Variants in PRKCZ observed in about 807,000 individuals in gnomAD.
PRKCZ encodes the protein protein kinase C zeta type.
Under a neutral mutation model 79.5 loss-of-function variants are expected in PRKCZ, and 33 were observed. The ratio of observed to expected loss-of-function variants is 0.41; its 90% CI spans 0.31 to 0.55. PRKCZ has a LOEUF of 0.55. PRKCZ is among the 20% of genes least tolerant of loss of function. The probability of loss-of-function intolerance (pLI) is 0.19; values close to 1 mark genes in which losing one functional copy is unlikely to be tolerated. For missense variants in PRKCZ, 578 were observed against 813.5 expected (o/e 0.71, Z 3.52); for synonymous variants, 342 against 320.9 (o/e 1.07, Z -0.70).
intron 4 of PRKCZ, among the ~76,000 whole-genome samples, chr1:2,124,800 G>T (rs1673548120): frequency 6.6e-6 from 1 of 152,020 alleles, no homozygotes; most frequent in Non-Finnish European, 1.5e-5. Flanking sequence ...CATGTGCAGG[G>T]CTTGGGTGGC....
At chr1:2,150,300 C>T (rs531984892) in intron 8 of PRKCZ, among the ~76,000 whole-genome samples, 2 of 152,210 alleles carry the variant, frequency 1.3e-5, no homozygotes, top group Admixed American at 1.3e-4. Context: ...CTCGGAGCGC[C>T]TTTCTCCTGG....
intron 4 of PRKCZ, among the ~76,000 whole-genome samples, chr1:2,113,932 G>A (rs984064963): frequency 7.7e-4 from 117 of 152,040 alleles, no homozygotes; most frequent in African/African-American, 2.7e-3. Flanking sequence ...AGAGGGCGGG[G>A]GCCCAGCCCA....
At chr1:2,090,060 C>T (rs963204604) in intron 4 of PRKCZ, among the ~76,000 whole-genome samples, 6 of 152,170 alleles carry the variant, frequency 3.9e-5, no homozygotes, top group Admixed American at 2.6e-4. Flanking sequence ...CCTCCCCGTG[C>T]GGCCGTGTCC....
intron 4 of PRKCZ, among the ~76,000 whole-genome samples, chr1:2,099,963 G>A (rs967792129): frequency 1.3e-5 from 2 of 152,192 alleles, no homozygotes; most frequent in Admixed American, 6.5e-5. Context: ...GATGAGCTGC[G>A]TCTGTTAGGG....
intron 4 of PRKCZ, among the ~76,000 whole-genome samples, chr1:2,078,233 G>C (rs1476415804): frequency 6.6e-6 from 1 of 152,190 alleles, no homozygotes; most frequent in Non-Finnish European, 1.5e-5. Flanking sequence ...CTTAATGTCC[G>C]GTTAAGACCC....
In PRKCZ at chr1:2,121,387, C is replaced by G. The variant is rs191957222; in HGVS notation, c.335-13875C>G. Reference sequence around the variant, plus strand: ...TCCCCAGAATCCATATGTTGAAGCCCTAACCCTCCAGTGTGATGGTGTTTG... The same window carrying G: ...TCCCCAGAATCCATATGTTGAAGCCGTAACCCTCCAGTGTGATGGTGTTTG... On this transcript the variant is annotated intron_variant, in intron 4 of 17. Transcript: ENST00000378567. Among the ~76,000 whole-genome samples, 115 of 147,522 alleles carry G rather than the reference C, an allele frequency of 7.8e-4. 1 individual carries two copies. Among genetic ancestry groups the G allele is most frequent in the South Asian group, 3.6e-3 (17 of 4,780 alleles).
chr1:2,050,106 A>C (rs371475797), upstream of PRKCZ: 10 of 151,520 alleles, frequency 6.6e-5, no homozygotes, highest in African/African-American at 2.4e-4. Flanking sequence ...AAGGCCGAGA[A>C]CTCGCGTTTC....
chr1:2,169,502 G>A lies in PRKCZ; in HGVS notation c.975-16G>A, dbSNP rs938039278. 10 of 1,548,106 alleles carry A rather than the reference G, an allele frequency of 6.5e-6. No homozygotes were observed. The highest frequency in any genetic ancestry group is 2.7e-5 in the African/African-American group (2 of 72,926). ...TGCCGAGGTGACTGCAGCCTCCGGC[G>A]CCTCTCTCCCTGCAGGTTGTTCCTG... On this transcript the variant is annotated splice_polypyrimidine_tract_variant and intron_variant, in intron 10 of 17. Transcript: ENST00000378567.
chr1:2,180,265 G>A (rs1020403152), intron 16 of PRKCZ, among the ~76,000 whole-genome samples: 1 of 151,604 alleles, frequency 6.6e-6, no homozygotes, highest in African/African-American at 2.4e-5. Flanking sequence ...ATCCTCGGTG[G>A]GGCTTTAAGG....
chr1:2,102,384 G>C (rs993133722), intron 4 of PRKCZ, among the ~76,000 whole-genome samples: 4 of 151,770 alleles, frequency 2.6e-5, no homozygotes, highest in African/African-American at 9.7e-5. Flanking sequence ...CCAGGCTGGA[G>C]TGCAGTGGTG....
intron 9 of PRKCZ, among the ~76,000 whole-genome samples, chr1:2,151,453 C>T (rs1267861181): frequency 6.6e-6 from 1 of 152,228 alleles, no homozygotes; most frequent in Non-Finnish European, 1.5e-5. Context: ...GATGTCATCA[C>T]CCTTGTTAGG....
chr1:2,116,251 G>T (rs1185217839), intron 4 of PRKCZ: 1 of 152,242 alleles, frequency 6.6e-6, no homozygotes, highest in Non-Finnish European at 1.5e-5. Context: ...TCAGAGCCCT[G>T]CGTTGTCGCC....
chr1:2,135,141 C>A, intron 4 of PRKCZ, 121 bp from the exon 5 acceptor site: 1 of 781,520 alleles, frequency 1.3e-6, no homozygotes, highest in Non-Finnish European at 2.0e-6. Context: ...CCCTGCCTTC[C>A]CTGCCTGGGA....
At chr1:2,140,558 G>C (rs567292805) in intron 5 of PRKCZ, among the ~76,000 whole-genome samples, 1 of 152,198 alleles carries the variant, frequency 6.6e-6, no homozygotes, top group Admixed American at 6.5e-5. Flanking sequence ...TCGGTAGGCT[G>C]AGGCAGGGGA....
At position 2,175,360 on chromosome 1, in the gene PRKCZ, C is replaced by T. The variant is rs761470678; in HGVS notation, c.1575+47C>T. On this transcript the variant is annotated intron_variant, in intron 16 of 17. Transcript: ENST00000378567. ...TTGCACCCCCATCCCCATCCCAACC[C>T]CAAATCTACCCAACCCCCATCCCAA... 2.4e-5 allele frequency: 36 copies of T among 1,483,760 alleles called. No individual in the cohort carries two copies. The South Asian group carries it at 4.2e-4, about 18-fold the overall frequency. The allele number at this position is 1,483,760 out of a possible 1,614,324, so 91.9% of individuals were successfully genotyped here. A position where few individuals can be genotyped will look rare whatever the true frequency, so the allele number is the denominator to read the frequency against.
chr1:2,099,230 T>G (rs1667049814), intron 4 of PRKCZ, among the ~76,000 whole-genome samples: 1 of 152,120 alleles, frequency 6.6e-6, no homozygotes, highest in African/African-American at 2.4e-5. Flanking sequence ...GATATGAAAT[T>G]AGGGAATAAA....
At chr1:2,171,236 G>T (rs745979028) in intron 11 of PRKCZ, among the ~76,000 whole-genome samples, 1 of 151,018 alleles carries the variant, frequency 6.6e-6, no homozygotes, top group Non-Finnish European at 1.5e-5. Context: ...CTAGCTACTC[G>T]GGAGGCTGAG....
intron 4 of PRKCZ, among the ~76,000 whole-genome samples, chr1:2,096,610 C>A (rs1231788796): frequency 1.3e-5 from 2 of 152,158 alleles, no homozygotes; most frequent in South Asian, 4.1e-4. Context: ...CTCCCCGTGG[C>A]GTGGCATGGA....
In PRKCZ at chr1:2,168,154, A is replaced by C. The variant is rs1011289617; in HGVS notation, c.975-1364A>C. Reference sequence around the variant, plus strand: ...CAAACTTTTTCTTGAAGGGCCCAAGAGTAGACATTTTTGGCTTTGCGGCCA... The same window carrying C: ...CAAACTTTTTCTTGAAGGGCCCAAGCGTAGACATTTTTGGCTTTGCGGCCA... On this transcript the variant is annotated intron_variant, in intron 10 of 17. Transcript: ENST00000378567. This position sits in a 1 kb window ranked among gnomAD's most constrained non-coding sequence, Gnocchi z 4.7. 4.6e-5 allele frequency among the ~76,000 whole-genome samples: 7 copies of C among 152,196 alleles called. No homozygotes were observed. The highest frequency in any genetic ancestry group is 8.8e-5 in the Non-Finnish European group (6 of 68,038).
Sources: gnomAD v4.1 joint callset for allele counts (sites outside exome capture counted in the v4.1 genomes callset) on GRCh38, gnomAD v4.1.1 for gene constraint, Gnocchi (gnomAD v3.1) non-coding constraint, MANE v1.5 for transcripts, NCBI Gene and HGNC (gene_info 2026-07-23, HGNC 2026-07-21) for gene names.